Variants in ADNP observed in about 807,000 individuals in gnomAD.
ADNP encodes activity dependent neuroprotector homeobox.
In ADNP, 4 loss-of-function variants were observed where a neutral mutation model predicts 84.9. The ratio of observed to expected loss-of-function variants is 0.05; its 90% CI spans 0.02 to 0.11. The LOEUF (loss-of-function observed/expected upper bound fraction) is 0.11, where lower values mean the gene tolerates loss of function less well. Among genes scored for constraint, ADNP ranks in the 10% least tolerant of loss-of-function variants. ADNP has a pLI of 1.00. For missense variants in ADNP, 1,132 were observed against 1,326.0 expected (o/e 0.85, Z 2.27); for synonymous variants, 554 against 468.1 (o/e 1.18, Z -2.37).
chr20:50,891,531 C>A lies in ADNP; in HGVS notation c.3183G>T (p.Gln1061His), dbSNP rs780697352. The A allele has an allele frequency of 5.0e-6, 8 of 1,612,086 alleles. No homozygotes were observed. The highest frequency in any genetic ancestry group is 3.3e-5 in the Admixed American group (2 of 60,030). Reference protein sequence around the residue: ...SENDERLSNPQIEWQNSTIDS... With the variant: ...SENDERLSNPHIEWQNSTIDS... The stretch of plus-strand genomic sequence containing the variant: ...CAATTGTGCTATTCTGCCACTCAAT[C>A]TGGGGGTTAGATAAGCGCTCATCAT... Residue 1061 changes from glutamine to histidine, a missense_variant, in exon 6 of 6, where the codon CAG becomes CAT. Coordinates refer to ENST00000621696, the MANE Select transcript of ADNP (RefSeq NM_001282531.3).
chr20:50,899,614 T>C (rs1398529149), intron 5 of ADNP, among the ~76,000 whole-genome samples: 4 of 152,242 alleles, frequency 2.6e-5, no homozygotes, highest in African/African-American at 7.2e-5. Flanking sequence ...AGGAGGTATC[T>C]AGAAGACGAC....
At position 50,891,011 on chromosome 20, in the gene ADNP, T is replaced by C. The variant is rs1038399889; in HGVS notation, c.*394A>G. 10 of 1,014,684 alleles carry C rather than the reference T, an allele frequency of 9.9e-6. No homozygotes were observed. Among genetic ancestry groups the C allele is most frequent in the Non-Finnish European group, 1.1e-5 (9 of 849,942 alleles). 62.9% of individuals were successfully genotyped at this position (1,014,684 alleles called of 1,614,324 possible). A position where few individuals can be genotyped will look rare whatever the true frequency, so the allele number is the denominator to read the frequency against. ...AAATCGCTTTTCCCAAAGTCTACTA[T>C]ACACATTAGACTGGTAGCTTGTATG... On this transcript the variant is annotated 3_prime_UTR_variant, in exon 6 of 6. Coordinates refer to ENST00000621696, the MANE Select transcript of ADNP (RefSeq NM_001282531.3).
At chr20:50,901,936 GCA>G in intron 5 of ADNP, 79 bp downstream of exon 5, 2 of 1,049,638 alleles carry the variant, frequency 1.9e-6, no homozygotes, top group South Asian at 2.6e-5. Context: ...CGCAATCACT[GCA>G]CCGCTATAAA....
rs1984744507 is a variant in ADNP, at chr20:50,931,250, CGGGGGGGGGGGGGCGGGA to C, written c.-707_-690del. 6.2e-5 allele frequency: 1 copy of C among 16,156 alleles called. No individual in the cohort carries two copies. The highest frequency in any genetic ancestry group is 1.1e-4 in the Non-Finnish European group (1 of 9,376). 1.0% of individuals were successfully genotyped at this position (16,156 alleles called of 1,614,324 possible). A position where few individuals can be genotyped will look rare whatever the true frequency, so the allele number is the denominator to read the frequency against. On this transcript the variant is annotated 5_prime_UTR_variant, in exon 1 of 6. Transcript: ENST00000621696. ...GGAGGGGGCACAAGATGGCGGCGGC[CGGGGGGGGGGGGGCGGGA>C]GTTCAGCTCATGGATCCCGGCGGGC...
chr20:50,927,580 G>C (rs1984376658), intron 2 of ADNP, among the ~76,000 whole-genome samples: 1 of 145,940 alleles, frequency 6.9e-6, no homozygotes, highest in African/African-American at 2.6e-5. Flanking sequence ...TTTTTTGGTA[G>C]AGACAGGGTC....
chr20:50,911,944 C>G (rs951760613), intron 2 of ADNP, among the ~76,000 whole-genome samples: 4 of 151,948 alleles, frequency 2.6e-5, no homozygotes, highest in African/African-American at 9.7e-5. Flanking sequence ...CCTTCAACTG[C>G]AGGTGTAAAC....
Position 50,892,758 on chromosome 20 carries a change from C to T in ADNP, c.1956G>A (p.Thr652=), listed in dbSNP as rs368260028. Residue 652 remains threonine, a synonymous_variant, in exon 6 of 6, where the codon ACG becomes ACA. Transcript: ENST00000621696. ...HLRERHQVIQ[T]VHPVEKKLTY... ...TGAGCTTTTTCTCAACTGGATGAAC[C>T]GTCTGAATAACTTGGTGCCTCTCTC... 106 of 1,614,046 alleles carry T rather than the reference C, an allele frequency of 6.6e-5. No individual in the cohort carries two copies. Among genetic ancestry groups the T allele is most frequent in the Non-Finnish European group, 8.2e-5 (97 of 1,180,044 alleles).
intron 2 of ADNP, among the ~76,000 whole-genome samples, chr20:50,919,305 A>ATATATATATATATG (rs1168718295): frequency 2.2e-5 from 3 of 136,916 alleles, no homozygotes; most frequent in African/African-American, 9.2e-5. Flanking sequence ...ATATATATAT[A>ATATATATATATATG]TATATATATA....
chr20:50,915,372 C>A (rs925580906), intron 2 of ADNP, among the ~76,000 whole-genome samples: 1 of 152,054 alleles, frequency 6.6e-6, no homozygotes, highest in Non-Finnish European at 1.5e-5. Context: ...GCCATTAAGC[C>A]CTACATTTAA....
At position 50,891,683 on chromosome 20, in the gene ADNP, G is replaced by GCTTACTGCTCC; in HGVS notation, c.3020_3030dup (p.Pro1011GlyfsTer20). The GCTTACTGCTCC allele has an allele frequency of 6.2e-7, 1 of 1,614,020 alleles. No homozygotes were observed. The highest frequency in any genetic ancestry group is 8.5e-7 in the Non-Finnish European group (1 of 1,180,000). On this transcript the variant is annotated frameshift_variant, in exon 6 of 6. Transcript: ENST00000621696. LOFTEE classifies it high-confidence loss of function. Reference sequence around the variant, plus strand: ...ATGGTAGCCTTTTTTTTGGCAGCTGGCTTACTGCTCCTTGCATCTTCGCTT... The same window carrying GCTTACTGCTCC: ...ATGGTAGCCTTTTTTTTGGCAGCTGGCTTACTGCTCCCTTACTGCTCCTTGCATCTTCGCTT...
intron 2 of ADNP, among the ~76,000 whole-genome samples, chr20:50,925,047 C>T (rs1156923821): frequency 6.6e-6 from 1 of 152,028 alleles, no homozygotes; most frequent in East Asian, 1.9e-4. Context: ...GTCTTGGAAC[C>T]AAGGTAGGGA....
At chr20:50,918,416 ATTT>A (rs1480765284) in intron 2 of ADNP, among the ~76,000 whole-genome samples, 1 of 152,216 alleles carries the variant, frequency 6.6e-6, no homozygotes. Flanking sequence ...TTTCCAGACC[ATTT>A]TTGACACTAT....
chr20:50,913,250 CAAAAAAAAAAAAAAAAAAAAA>C (rs56911332), intron 2 of ADNP, among the ~76,000 whole-genome samples: 18 of 42,902 alleles, frequency 4.2e-4, no homozygotes, highest in South Asian at 2.9e-3. Context: ...GACTCTGTCT[CAAAAAAAAAAAAAAAAAAAAA>C]AAAAAAAAAA....
At chr20:50,904,106 A>T in intron 3 of ADNP, 105 bp from the exon 4 acceptor site, 1 of 804,648 alleles carries the variant, frequency 1.2e-6, no homozygotes, top group Non-Finnish European at 2.0e-6. Context: ...CTGACAAAAA[A>T]GGTGCATAGA....
chr20:50,908,147 GT>G (rs142605027), intron 2 of ADNP, among the ~76,000 whole-genome samples: 13,197 of 106,108 alleles, frequency 0.12, 704 homozygotes, highest in African/African-American at 0.33. Context: ...AGATTTTTCT[GT>G]TTTTTTTTTT....
intron 2 of ADNP, among the ~76,000 whole-genome samples, chr20:50,925,199 G>A (rs543637307): frequency 2.0e-5 from 3 of 151,662 alleles, no homozygotes; most frequent in East Asian, 1.9e-4. Context: ...ATAAAAAAAC[G>A]TGTGCCCTGC....
intron 2 of ADNP, among the ~76,000 whole-genome samples, chr20:50,927,373 G>C (rs1984360333): frequency 6.6e-6 from 1 of 152,084 alleles, no homozygotes. Context: ...TCAATATATA[G>C]CTCCTAATAA....
chr20:50,930,634 C>A (rs1234083273), intron 1 of ADNP, among the ~76,000 whole-genome samples, 192 bp downstream of exon 1: 14 of 152,006 alleles, frequency 9.2e-5, no homozygotes, highest in Non-Finnish European at 2.1e-4. Context: ...AGTCGGGTAG[C>A]GGTCCGTGCC....
chr20:50,931,210 C>G lies in ADNP; in HGVS notation c.-649G>C, dbSNP rs931036632. ...GAAGACGCCAAAATCCCCCTTAGCG[C>G]TGCCTGCGGGAGGGGGAGGGGGCAC... On this transcript the variant is annotated 5_prime_UTR_variant, in exon 1 of 6. Coordinates refer to ENST00000621696, the MANE Select transcript of ADNP (RefSeq NM_001282531.3). 1 of 130,658 alleles carries G rather than the reference C, an allele frequency of 7.7e-6. No individual in the cohort carries two copies. Among genetic ancestry groups the G allele is most frequent in the African/African-American group, 2.9e-5 (1 of 34,478 alleles). The allele number at this position is 130,658 out of a possible 1,614,324, so 8.1% of individuals were successfully genotyped here.
Sources: allele counts gnomAD v4.1 joint callset (sites outside exome capture counted in the v4.1 genomes callset), GRCh38; gene constraint gnomAD v4.1.1; transcripts MANE v1.5; gene names NCBI Gene and HGNC (gene_info 2026-07-23, HGNC 2026-07-21).